The following CTNNB1 variants were observed in gnomAD, a reference collection of about 807,000 sequenced individuals.
CTNNB1 encodes catenin beta 1, also known as catenin beta-1.
CTNNB1 carries 6 observed loss-of-function variants against 82.5 expected under a neutral mutation model. The observed-to-expected ratio is 0.07, with a 90% CI of 0.04 to 0.14. CTNNB1 has a LOEUF of 0.14. Ranked by LOEUF, CTNNB1 falls within the 10% of genes least tolerant of loss-of-function variation. The pLI is 1.00. For missense variants in CTNNB1, 529 were observed against 980.4 expected (o/e 0.54, Z 6.15); for synonymous variants, 312 against 329.7 (o/e 0.95, Z 0.58).
At chr3:41,224,823 A>G (rs2078137399) in intron 3 of CTNNB1, 70 bp downstream of exon 3, 1 of 1,592,628 alleles carries the variant, frequency 6.3e-7, no homozygotes, top group Non-Finnish European at 8.6e-7. Flanking sequence ...AAGTTAGTGT[A>G]TAATAGTTTA....
In CTNNB1 at chr3:41,236,616, A is replaced by T. The variant is rs1800663; in HGVS notation, c.1983A>T (p.Arg661=). ...VATYAAAVLF[R]MSEDKPQDYK... ...CATATGCAGCTGCTGTTTTGTTCCGAATGTCTGAGGACAAGCCACAAGATT... is the reference window on the plus strand; with the variant it reads ...CATATGCAGCTGCTGTTTTGTTCCGTATGTCTGAGGACAAGCCACAAGATT... The change falls in exon 13 of 15, where the codon CGA becomes CGT. Residue 661 remains arginine, a synonymous_variant. Transcript: ENST00000349496. 6.2e-7 allele frequency: 1 copy of T among 1,614,070 alleles called. No individual in the cohort carries two copies. Among genetic ancestry groups the T allele is most frequent in the African/African-American group, 1.3e-5 (1 of 74,916 alleles).
At chr3:41,229,904 GTGTC>G (rs965693936) in intron 7 of CTNNB1, among the ~76,000 whole-genome samples, 2 of 151,750 alleles carry the variant, frequency 1.3e-5, no homozygotes, top group African/African-American at 4.9e-5. Context: ...GTGTGTGTGT[GTGTC>G]ATGAAAACAG....
intron 10 of CTNNB1, chr3:41,234,507 C>A: frequency 1.7e-6 from 1 of 595,750 alleles, no homozygotes; most frequent in Non-Finnish European, 3.0e-6. Context: ...TGGACACGTC[C>A]TTCACATGGT....
At chr3:41,205,745 T>G (rs991920233) in intron 1 of CTNNB1, among the ~76,000 whole-genome samples, 1 of 152,170 alleles carries the variant, frequency 6.6e-6, no homozygotes. Context: ...ATGTAAATCA[T>G]AGGCCGGTGT....
At chr3:41,232,699 T>G (rs1465333860) in intron 7 of CTNNB1, among the ~76,000 whole-genome samples, 1 of 152,058 alleles carries the variant, frequency 6.6e-6, no homozygotes, top group Non-Finnish European at 1.5e-5. Context: ...GTCAGTGAAT[T>G]GTATAAAGTC....
intron 10 of CTNNB1, chr3:41,234,716 A>C (rs1430269137): frequency 5.0e-6 from 1 of 201,842 alleles, no homozygotes; most frequent in Non-Finnish European, 1.0e-5. Flanking sequence ...TGTGAGTTAA[A>C]CTTTTTTCAT....
chr3:41,223,182 A>G (rs2078091952), intron 1 of CTNNB1, among the ~76,000 whole-genome samples: 5 of 152,214 alleles, frequency 3.3e-5, no homozygotes, highest in Admixed American at 3.3e-4. Context: ...CAGATTTTGT[A>G]ATAAAGGAAA....
intron 10 of CTNNB1, chr3:41,234,595 G>T (rs1170110212): frequency 1.7e-5 from 7 of 412,060 alleles, no homozygotes; most frequent in Non-Finnish European, 3.2e-5. Context: ...TCCTTAGGAA[G>T]AGGTAGAGTC....
chr3:41,235,692 G>A (rs1262134914), intron 10 of CTNNB1, 32 bp from the exon 11 acceptor site: 2 of 1,614,002 alleles, frequency 1.2e-6, no homozygotes, highest in African/African-American at 1.3e-5. Flanking sequence ...AGAGGAGAAT[G>A]CCCTGTTTGT....
At chr3:41,212,713 T>C (rs1575295627) in intron 1 of CTNNB1, among the ~76,000 whole-genome samples, 1 of 152,202 alleles carries the variant, frequency 6.6e-6, no homozygotes, top group African/African-American at 2.4e-5. Flanking sequence ...TGTTGGAGAG[T>C]ACAGTTTTAG....
At chr3:41,208,891 C>T (rs180744580) in intron 1 of CTNNB1, among the ~76,000 whole-genome samples, 3 of 152,214 alleles carry the variant, frequency 2.0e-5, no homozygotes, top group East Asian at 1.9e-4. Context: ...ATTTTTTCTC[C>T]GTCTCTCCTT....
At chr3:41,235,457 T>TA in intron 10 of CTNNB1, 1 of 517,356 alleles carries the variant, frequency 1.9e-6, no homozygotes, top group Non-Finnish European at 3.5e-6. Flanking sequence ...TTGGTGCCCT[T>TA]ACTGTAGGAA....
rs540802822 is a variant in CTNNB1, at chr3:41,209,521, C to T, written c.-49+9851C>T. Reference sequence around the variant, plus strand: ...CTCTGCAAAAAATTGTCTGTTCTCCCTTCAGAATAAAGTCACGTGTCATTT... The same window carrying T: ...CTCTGCAAAAAATTGTCTGTTCTCCTTTCAGAATAAAGTCACGTGTCATTT... On this transcript the variant is annotated intron_variant, in intron 1 of 14. Transcript: ENST00000349496. 7.6e-4 allele frequency among the ~76,000 whole-genome samples: 115 copies of T among 152,260 alleles called. 1 individual carries two copies. The highest frequency in any genetic ancestry group is 2.4e-3 in the African/African-American group (100 of 41,544).
At chr3:41,214,925 T>C (rs190414665) in intron 1 of CTNNB1, among the ~76,000 whole-genome samples, 80 of 152,318 alleles carry the variant, frequency 5.3e-4, no homozygotes, top group African/African-American at 1.9e-3. Flanking sequence ...TTCACTGCAA[T>C]AGCAGAGTTG....
In CTNNB1 at chr3:41,238,196, T is replaced by G. The variant is rs2078486389; in HGVS notation, c.2137+120T>G. On this transcript the variant is annotated intron_variant, in intron 14 of 14. Transcript: ENST00000349496. ...TTGGCAGAAAAGTAGTGGCTTCAAT[T>G]AAAAGCAGTTCTTAAATTCCAGTCA... 3.5e-6 allele frequency: 3 copies of G among 852,598 alleles called. No individual in the cohort carries two copies. In the Admixed American group the frequency reaches 5.3e-5, roughly 15 times the overall value. 52.8% of individuals were successfully genotyped at this position (852,598 alleles called of 1,614,324 possible).
At chr3:41,203,336 C>G (rs1351977573) in intron 1 of CTNNB1, among the ~76,000 whole-genome samples, 1 of 151,888 alleles carries the variant, frequency 6.6e-6, no homozygotes, top group Non-Finnish European at 1.5e-5. Context: ...AATTAAAATA[C>G]AGGCTTGAGA....
rs755788748 is a variant in CTNNB1 at position 41,225,856 on chromosome 3, A to G, written c.931A>G (p.Ser311Gly). The G allele has an allele frequency of 6.2e-7, 1 of 1,612,388 alleles. No homozygotes were observed. Among genetic ancestry groups the G allele is most frequent in the Admixed American group, 1.7e-5 (1 of 59,930 alleles). ...AATTTTAGCTTATGGCAACCAAGAA[A>G]GCAAGGTAAGAGAATTATTCTTTAT... ...LQILAYGNQE[S>G]KLIILASGGP... The change falls in exon 6 of 15, where the codon AGC (serine) becomes GGC (glycine). Residue 311 changes from serine (S) to glycine (G), a missense_variant. Ser to Gly is a moderately conservative substitution (Grantham distance 56, BLOSUM62 0). Around this residue, in one of 4 missense-constraint regions of CTNNB1, gnomAD observed 411 missense variants for 776.4 expected, o/e 0.53. Coordinates refer to ENST00000349496, the MANE Select transcript of CTNNB1 (RefSeq NM_001904.4). This position sits in a 1 kb window ranked among gnomAD's most constrained non-coding sequence, Gnocchi z 5.3.
chr3:41,237,994 T>TG, intron 13 of CTNNB1, 22 bp from the exon 14 acceptor site: 1 of 1,610,460 alleles, frequency 6.2e-7, no homozygotes, highest in Non-Finnish European at 8.5e-7. Flanking sequence ...TATTCTTCCT[T>TG]GCTTTGTGCA....
chr3:41,201,735 A>G (rs778060961), intron 1 of CTNNB1, among the ~76,000 whole-genome samples: 3 of 152,178 alleles, frequency 2.0e-5, no homozygotes, highest in Non-Finnish European at 2.9e-5. Context: ...AAAAAAATGA[A>G]GCATTTAACA....
Sources: gnomAD v4.1 joint callset for allele counts (sites outside exome capture counted in the v4.1 genomes callset) on GRCh38, gnomAD v4.1.1 for gene constraint, gnomAD v4.1.1 regional missense constraint, Gnocchi (gnomAD v3.1) non-coding constraint, MANE v1.5 for transcripts, NCBI Gene and HGNC (gene_info 2026-07-23, HGNC 2026-07-21) for gene names.